Variants in SCHIP1 observed in about 807,000 individuals in gnomAD.
The protein encoded by SCHIP1 is schwannomin-interacting protein 1.
A neutral mutation model predicts 29.7 loss-of-function variants in SCHIP1; 8 were observed. That is an observed-to-expected ratio of 0.27 (90% CI 0.16 to 0.49). The LOEUF (loss-of-function observed/expected upper bound fraction) is 0.49. SCHIP1 is among the 20% of genes least tolerant of loss of function. SCHIP1 has a pLI of 0.99. For synonymous variants in SCHIP1, 76 were observed against 94.9 expected, an observed-to-expected ratio of 0.80 and a Z score of 1.16; for missense variants, 193 against 294.6, an observed-to-expected ratio of 0.66 and a Z score of 2.52.
the SCHIP1 span, among the ~76,000 whole-genome samples, chr3:159,331,763 A>T: frequency 6.6e-6 from 1 of 152,140 alleles, no homozygotes; most frequent in African/African-American, 2.4e-5. Flanking sequence ...CTCTGCCTTG[A>T]GTCACACCAA....
the SCHIP1 span, among the ~76,000 whole-genome samples, chr3:159,444,211 A>T: frequency 6.6e-6 from 1 of 152,130 alleles, no homozygotes; most frequent in Non-Finnish European, 1.5e-5. Flanking sequence ...ACTGTGTGGG[A>T]CATACTTCAG....
the SCHIP1 span, among the ~76,000 whole-genome samples, chr3:159,366,478 C>T: frequency 6.6e-6 from 1 of 152,224 alleles, no homozygotes; most frequent in Non-Finnish European, 1.5e-5. Flanking sequence ...GCACTTGCGT[C>T]TGTGCCCTTT....
the SCHIP1 span, among the ~76,000 whole-genome samples, chr3:159,470,029 T>A: frequency 6.6e-6 from 1 of 152,122 alleles, no homozygotes; most frequent in Non-Finnish European, 1.5e-5. Flanking sequence ...TTCACCAGCT[T>A]GTTAGACATG....
chr3:159,481,617 T>A, the SCHIP1 span, among the ~76,000 whole-genome samples: 3 of 152,164 alleles, frequency 2.0e-5, no homozygotes, highest in Admixed American at 6.6e-5. Context: ...TTTCTGTAAG[T>A]GAGTTCTGAG....
At chr3:159,740,227 C>T in the SCHIP1 span, among the ~76,000 whole-genome samples, 1 of 152,194 alleles carries the variant, frequency 6.6e-6, no homozygotes, top group Non-Finnish European at 1.5e-5. Flanking sequence ...GCATCCTGTC[C>T]CCAGGCTGAG....
the SCHIP1 span, among the ~76,000 whole-genome samples, chr3:159,312,482 G>A: frequency 2.6e-5 from 4 of 152,180 alleles, no homozygotes; most frequent in Non-Finnish European, 4.4e-5. Context: ...CGCAAGTGAC[G>A]TGCATCGCCT....
chr3:159,401,139 C>G, the SCHIP1 span: 2 of 970,566 alleles, frequency 2.1e-6, no homozygotes, highest in Non-Finnish European at 2.4e-6. Context: ...ACTTGAAGGC[C>G]TCAAGTGTAA....
At chr3:159,555,079 G>A in the SCHIP1 span, among the ~76,000 whole-genome samples, 1 of 152,040 alleles carries the variant, frequency 6.6e-6, no homozygotes, top group Non-Finnish European at 1.5e-5. Context: ...TGCATAATTG[G>A]TCTTTCCTTA....
At chr3:159,428,714 A>C in the SCHIP1 span, among the ~76,000 whole-genome samples, 1 of 151,790 alleles carries the variant, frequency 6.6e-6, no homozygotes, top group Non-Finnish European at 1.5e-5. Context: ...CCAAAGGACT[A>C]TAAATCATGC....
the SCHIP1 span, among the ~76,000 whole-genome samples, chr3:159,370,237 C>T: frequency 5.9e-5 from 9 of 152,246 alleles, no homozygotes; most frequent in Non-Finnish European, 2.9e-5. Context: ...CTCATCTCCC[C>T]GATTCTCACT....
the SCHIP1 span, among the ~76,000 whole-genome samples, chr3:159,433,208 T>G: frequency 6.6e-6 from 1 of 152,140 alleles, no homozygotes; most frequent in Non-Finnish European, 1.5e-5. Flanking sequence ...GACTTCACAT[T>G]TCTCACATTT....
the SCHIP1 span, among the ~76,000 whole-genome samples, chr3:159,419,057 T>C: frequency 6.6e-6 from 1 of 152,148 alleles, no homozygotes; most frequent in East Asian, 1.9e-4. Flanking sequence ...CTGTTGCTCC[T>C]TGCAAACAAA....
At chr3:159,718,344 C>A in the SCHIP1 span, among the ~76,000 whole-genome samples, 1 of 152,112 alleles carries the variant, frequency 6.6e-6, no homozygotes, top group Admixed American at 6.5e-5. Flanking sequence ...CCCTCTCTCA[C>A]CACTCCTATT....
At chr3:159,675,923 G>A in the SCHIP1 span, among the ~76,000 whole-genome samples, 1 of 151,652 alleles carries the variant, frequency 6.6e-6, no homozygotes, top group African/African-American at 2.4e-5. Flanking sequence ...CCTGAGGTCG[G>A]GAGTTCAAGA....
At chr3:159,562,396 T>C in the SCHIP1 span, among the ~76,000 whole-genome samples, 1 of 152,206 alleles carries the variant, frequency 6.6e-6, no homozygotes, top group African/African-American at 2.4e-5. Flanking sequence ...TTAATGTCCT[T>C]TCCAAGGAGG....
the SCHIP1 span, among the ~76,000 whole-genome samples, chr3:159,482,142 T>A: frequency 6.6e-6 from 1 of 152,292 alleles, no homozygotes; most frequent in African/African-American, 2.4e-5. Flanking sequence ...TTCATCTTGA[T>A]GTTATTTCAG....
chr3:159,659,357 G>T, the SCHIP1 span, among the ~76,000 whole-genome samples: 2 of 152,218 alleles, frequency 1.3e-5, no homozygotes, highest in African/African-American at 2.4e-5. Flanking sequence ...AAGGTGGCCA[G>T]GTACAAGGCT....
chr3:159,859,159 G>A (rs1713746958), intron 1 of SCHIP1, among the ~76,000 whole-genome samples: 1 of 152,220 alleles, frequency 6.6e-6, no homozygotes, highest in African/African-American at 2.4e-5. Flanking sequence ...CCTGCATGGT[G>A]CAAGAATTTG....
chr3:159,626,297 T>TAGAC, the SCHIP1 span, among the ~76,000 whole-genome samples: 2 of 141,448 alleles, frequency 1.4e-5, no homozygotes, highest in Admixed American at 1.4e-4. Flanking sequence ...GATAGATAGA[T>TAGAC]AGATTTTTTT....
Sources: gnomAD v4.1 joint callset for allele counts (sites outside exome capture counted in the v4.1 genomes callset) on GRCh38, gnomAD v4.1.1 for gene constraint, MANE v1.5 for transcripts, NCBI Gene and HGNC (gene_info 2026-07-23, HGNC 2026-07-21) for gene names.